The following DPYD variants were observed in gnomAD, a reference collection of about 807,000 sequenced individuals.
DPYD encodes the protein dihydropyrimidine dehydrogenase.
A neutral mutation model predicts 116.2 loss-of-function variants in DPYD; 109 were observed. That is an observed-to-expected ratio of 0.94 (90% confidence interval 0.80 to 1.10). The LOEUF (loss-of-function observed/expected upper bound fraction) is 1.10, where lower values mean the gene tolerates loss of function less well. Among genes scored for constraint, DPYD ranks in the 50% least tolerant of loss-of-function variants. The pLI is 0.00. For missense variants in DPYD, 1,302 were observed against 1,254.5 expected, an observed-to-expected ratio of 1.04 and a Z score of -0.57; for synonymous variants, 440 against 432.0, an observed-to-expected ratio of 1.02 and a Z score of -0.23.
At chr1:97,296,594 G>A (rs1666544555) in intron 18 of DPYD, among the ~76,000 whole-genome samples, 1 of 151,906 alleles carries the variant, frequency 6.6e-6, no homozygotes, top group Non-Finnish European at 1.5e-5. Flanking sequence ...TATTCATGCT[G>A]TTTTGATAAA....
chr1:97,664,514 C>T (rs1008659343), intron 8 of DPYD, among the ~76,000 whole-genome samples: 1 of 151,672 alleles, frequency 6.6e-6, no homozygotes, highest in Non-Finnish European at 1.5e-5. Context: ...AATATACATG[C>T]ATATATTGTA....
rs755692084 is a variant in DPYD at position 97,306,296 on chromosome 1, T to G, written c.2060A>C (p.Asp687Ala). ...ERGMGLACGQDPELVRNICRW... is the reference protein window; with the variant it reads ...ERGMGLACGQAPELVRNICRW... The stretch of plus-strand genomic sequence containing the variant: ...GCAGATGTTCCGCACCAGCTCTGGA[T>G]CCTGTTCAAATAGGTCGGTTAAATA... The change falls in exon 17 of 23, where the codon GAT becomes GCT. Residue 687 changes from aspartate to alanine, a missense_variant and splice_region_variant. Asp to Ala is a moderately radical substitution (Grantham distance 126). Coordinates refer to ENST00000370192, the MANE Select transcript of DPYD (RefSeq NM_000110.4). 16 of 1,612,046 alleles carry G rather than the reference T, an allele frequency of 9.9e-6. No individual in the cohort carries two copies. Among genetic ancestry groups the G allele is most frequent in the Non-Finnish European group, 1.4e-5 (16 of 1,178,692 alleles).
chr1:97,784,767 A>G (rs1369916269), intron 3 of DPYD, among the ~76,000 whole-genome samples: 1 of 152,216 alleles, frequency 6.6e-6, no homozygotes, highest in East Asian at 1.9e-4. Flanking sequence ...CCAATGTGAC[A>G]TTGTCATGAG....
At chr1:97,202,984 A>G (rs1018078026) in intron 19 of DPYD, among the ~76,000 whole-genome samples, 2 of 152,128 alleles carry the variant, frequency 1.3e-5, no homozygotes, top group Non-Finnish European at 2.9e-5. Context: ...TACAAGACTC[A>G]AAAGACTGAG....
chr1:97,474,789 T>C (rs1677860714), intron 13 of DPYD, among the ~76,000 whole-genome samples: 1 of 150,768 alleles, frequency 6.6e-6, no homozygotes, highest in South Asian at 2.1e-4. Context: ...AGATATATGT[T>C]ATAATTATAG....
At chr1:97,277,555 A>T (rs1038617903) in intron 18 of DPYD, among the ~76,000 whole-genome samples, 2 of 152,098 alleles carry the variant, frequency 1.3e-5, no homozygotes, top group South Asian at 2.1e-4. Flanking sequence ...AACTATTTGA[A>T]GTTATTTATA....
At chr1:97,850,377 A>G (rs1670511800) in intron 2 of DPYD, among the ~76,000 whole-genome samples, 1 of 152,208 alleles carries the variant, frequency 6.6e-6, no homozygotes, top group African/African-American at 2.4e-5. Context: ...GTATTAATTA[A>G]AGAAATAAAT....
At chr1:97,402,811 G>A (rs891967721) in intron 14 of DPYD, among the ~76,000 whole-genome samples, 1 of 151,922 alleles carries the variant, frequency 6.6e-6, no homozygotes, top group Non-Finnish European at 1.5e-5. Flanking sequence ...TGAGAGATTT[G>A]ATCATGAATG....
chr1:97,500,988 G>A (rs957390585), intron 13 of DPYD, among the ~76,000 whole-genome samples: 1 of 152,050 alleles, frequency 6.6e-6, no homozygotes, highest in African/African-American at 2.4e-5. Context: ...GTAATTAGCA[G>A]GCAATTAGTC....
chr1:97,614,486 G>A (rs952781064), intron 8 of DPYD, among the ~76,000 whole-genome samples: 1 of 151,988 alleles, frequency 6.6e-6, no homozygotes, highest in African/African-American at 2.4e-5. Context: ...GTAGACTAGA[G>A]ATAAAAGGCA....
intron 20 of DPYD, among the ~76,000 whole-genome samples, chr1:97,146,370 A>G (rs1452443165): frequency 6.6e-6 from 1 of 152,224 alleles, no homozygotes; most frequent in Non-Finnish European, 1.5e-5. Context: ...TACAGGCACA[A>G]AAAGCAAGAC....
Position 97,639,016 on chromosome 1 carries a change from A to G in DPYD, c.850+40079T>C, listed in dbSNP as rs188089424. On this transcript the variant is annotated intron_variant, in intron 8 of 22. Transcript: ENST00000370192. Reference sequence around the variant, plus strand: ...TATATATTTTTGAAGCTTTAAAAACATATTTTTAGCCACAGAACAGTCCTG... The same window carrying G: ...TATATATTTTTGAAGCTTTAAAAACGTATTTTTAGCCACAGAACAGTCCTG... Among the ~76,000 whole-genome samples the G allele has an allele frequency of 1.5e-3, 221 of 152,244 alleles. 1 individual carries two copies. Among genetic ancestry groups the G allele is most frequent in the Non-Finnish European group, 1.2e-3 (83 of 67,996 alleles).
chr1:97,629,496 T>C (rs1657124814), intron 8 of DPYD, among the ~76,000 whole-genome samples: 1 of 152,066 alleles, frequency 6.6e-6, no homozygotes, highest in South Asian at 2.1e-4. Context: ...GAGGCACTAG[T>C]TCTTTTAACA....
At chr1:97,548,112 G>A (rs142237684) in intron 12 of DPYD, among the ~76,000 whole-genome samples, 2 of 151,918 alleles carry the variant, frequency 1.3e-5, no homozygotes, top group Non-Finnish European at 2.9e-5. Flanking sequence ...ACAAACAAGA[G>A]AACCAAAACA....
chr1:97,742,771 A>T (rs944872962), intron 3 of DPYD, among the ~76,000 whole-genome samples: 15 of 152,154 alleles, frequency 9.9e-5, no homozygotes, highest in African/African-American at 3.6e-4. Flanking sequence ...ATGTCGCAAT[A>T]CAAAATAGCT....
At chr1:97,742,276 C>T (rs1664308942) in intron 3 of DPYD, among the ~76,000 whole-genome samples, 1 of 152,058 alleles carries the variant, frequency 6.6e-6, no homozygotes. Context: ...TACCAGTCTC[C>T]TTGTCATTCT....
At chr1:97,288,457 G>A (rs1260332794) in intron 18 of DPYD, among the ~76,000 whole-genome samples, 2 of 151,856 alleles carry the variant, frequency 1.3e-5, no homozygotes, top group Non-Finnish European at 2.9e-5. Context: ...CTCAGCAAAT[G>A]TAAAAGAACA....
At chr1:97,159,578 C>T (rs1655735205) in intron 20 of DPYD, among the ~76,000 whole-genome samples, 1 of 151,888 alleles carries the variant, frequency 6.6e-6, no homozygotes, top group African/African-American at 2.4e-5. Flanking sequence ...CATACATTTA[C>T]CAGTTTAAGA....
At chr1:97,383,925 G>C (rs6690816) in intron 14 of DPYD, among the ~76,000 whole-genome samples, 1 of 151,904 alleles carries the variant, frequency 6.6e-6, no homozygotes, top group African/African-American at 2.4e-5. Context: ...CTGGGAAACA[G>C]AGCAATACCT....
Sources: allele counts gnomAD v4.1 joint callset (sites outside exome capture counted in the v4.1 genomes callset), GRCh38; gene constraint gnomAD v4.1.1; transcripts MANE v1.5; gene names NCBI Gene and HGNC (gene_info 2026-07-23, HGNC 2026-07-21).